NAALADL2: variants seen among roughly 807,000 people sequenced by gnomAD.
NAALADL2 encodes N-acetylated alpha-linked acidic dipeptidase like 2.
In NAALADL2, 76 loss-of-function variants were observed where a neutral mutation model predicts 87.2. That is an observed-to-expected ratio of 0.87 (90% CI 0.72 to 1.05). The LOEUF is 1.05. Among genes scored for constraint, NAALADL2 ranks in the 50% least tolerant of loss-of-function variants. NAALADL2 has a pLI of 0.00. For synonymous variants in NAALADL2, 354 were observed against 331.0 expected, an observed-to-expected ratio of 1.07 and a Z score of -0.75; for missense variants, 1,089 against 945.8, an observed-to-expected ratio of 1.15 and a Z score of -1.99.
intron 1 of NAALADL2, among the ~76,000 whole-genome samples, chr3:174,917,556 C>A (rs893333752): frequency 6.6e-6 from 1 of 152,110 alleles, no homozygotes; most frequent in South Asian, 2.1e-4. Context: ...TACTTGAATA[C>A]CTGTAGCACA....
At chr3:175,604,551 G>A (rs1378953253) in intron 10 of NAALADL2, among the ~76,000 whole-genome samples, 1 of 151,976 alleles carries the variant, frequency 6.6e-6, no homozygotes, top group Non-Finnish European at 1.5e-5. Flanking sequence ...TGATCCACCT[G>A]CCTCAGCCTC....
At chr3:175,645,913 G>A (rs576729371) in intron 11 of NAALADL2, among the ~76,000 whole-genome samples, 6 of 152,102 alleles carry the variant, frequency 3.9e-5, no homozygotes, top group Non-Finnish European at 8.8e-5. Context: ...GCAGTAAACA[G>A]CATCAGACAG....
At position 175,216,814 on chromosome 3, in the gene NAALADL2, G is replaced by GC. The variant is rs534251417; in HGVS notation, c.546-17111dup. ...CTCCTGAGTACCTGGGATTACGGGT[G>GC]CCCCCCACAATGCCCAGCTAATTTT... On this transcript the variant is annotated intron_variant, in intron 2 of 13. Coordinates refer to ENST00000454872, the MANE Select transcript of NAALADL2 (RefSeq NM_207015.3). Among the ~76,000 whole-genome samples, 53 of 151,724 alleles carry GC rather than the reference G, an allele frequency of 3.5e-4. No homozygotes were observed. In the South Asian group the frequency reaches 0.011, roughly 30 times the overall value.
intron 2 of NAALADL2, among the ~76,000 whole-genome samples, chr3:174,563,625 C>T (rs1462021132): frequency 9.9e-5 from 15 of 151,298 alleles, no homozygotes; most frequent in Non-Finnish European, 1.9e-4. Flanking sequence ...TTATTTGCTT[C>T]TAAGTATTTT....
intron 9 of NAALADL2, among the ~76,000 whole-genome samples, chr3:175,506,870 A>G (rs1023297094): frequency 3.3e-5 from 5 of 152,156 alleles, no homozygotes; most frequent in Non-Finnish European, 7.4e-5. Context: ...GATACCTTTT[A>G]GCCTCACTTG....
intron 1 of NAALADL2, among the ~76,000 whole-genome samples, chr3:175,018,684 C>T (rs374359127): frequency 2.0e-5 from 3 of 152,072 alleles, no homozygotes; most frequent in East Asian, 3.9e-4. Flanking sequence ...TGGCATTCAA[C>T]GTATTAAAAG....
chr3:174,443,713 G>C (rs778482789), intron 1 of NAALADL2, among the ~76,000 whole-genome samples: 1 of 152,140 alleles, frequency 6.6e-6, no homozygotes, highest in African/African-American at 2.4e-5. Flanking sequence ...GTACATAATG[G>C]TGTACGTCAG....
At chr3:175,247,104 A>G (rs1748132512) in intron 3 of NAALADL2, among the ~76,000 whole-genome samples, 1 of 152,174 alleles carries the variant, frequency 6.6e-6, no homozygotes, top group Admixed American at 6.6e-5. Context: ...ATAAACTGTT[A>G]AAGCTATTAA....
At chr3:175,324,030 A>AAAAAG in intron 4 of NAALADL2, 145 bp from the exon 5 acceptor site, 1 of 476,944 alleles carries the variant, frequency 2.1e-6, no homozygotes, top group Admixed American at 3.9e-5. Context: ...AAAACAAACA[A>AAAAAG]AAAAAAAAAA....
At chr3:175,408,044 TTA>T (rs957138985) in intron 5 of NAALADL2, among the ~76,000 whole-genome samples, 2 of 152,170 alleles carry the variant, frequency 1.3e-5, no homozygotes, top group African/African-American at 4.8e-5. Context: ...GACGAATACT[TTA>T]TGAGTTCATT....
intron 3 of NAALADL2, among the ~76,000 whole-genome samples, chr3:174,753,812 T>C (rs1711587421): frequency 6.6e-6 from 1 of 152,134 alleles, no homozygotes; most frequent in Non-Finnish European, 1.5e-5. Flanking sequence ...TGATTGCACT[T>C]GGAGATGAGA....
chr3:174,787,201 A>C, intron 3 of NAALADL2, among the ~76,000 whole-genome samples: 1 of 151,988 alleles, frequency 6.6e-6, no homozygotes, highest in East Asian at 1.9e-4. Context: ...AGACATGATA[A>C]AATTTTTATT....
chr3:175,795,457 A>G (rs1297250358), intron 13 of NAALADL2, among the ~76,000 whole-genome samples: 1 of 151,762 alleles, frequency 6.6e-6, no homozygotes, highest in Non-Finnish European at 1.5e-5. Flanking sequence ...GTGGATCACG[A>G]GGTCAGGATA....
At chr3:175,218,643 C>T (rs1387538550) in intron 2 of NAALADL2, among the ~76,000 whole-genome samples, 1 of 151,922 alleles carries the variant, frequency 6.6e-6, no homozygotes, top group Admixed American at 6.6e-5. Flanking sequence ...TTGTCTATTT[C>T]TTAATTTTAA....
intron 11 of NAALADL2, among the ~76,000 whole-genome samples, chr3:175,669,869 A>T (rs1582838976): frequency 6.6e-6 from 1 of 151,978 alleles, no homozygotes; most frequent in East Asian, 1.9e-4. Context: ...TTCATAAGTG[A>T]CTTTATGCTA....
At chr3:175,746,267 C>T (rs1450996773) in intron 12 of NAALADL2, among the ~76,000 whole-genome samples, 1 of 149,220 alleles carries the variant, frequency 6.7e-6, no homozygotes, top group Non-Finnish European at 1.5e-5. Context: ...GCAAGCATTC[C>T]GTGTCCTGTT....
intron 2 of NAALADL2, among the ~76,000 whole-genome samples, chr3:175,154,238 C>A: frequency 6.6e-6 from 1 of 152,034 alleles, no homozygotes; most frequent in Admixed American, 6.6e-5. Flanking sequence ...AAAAAAATTC[C>A]ATGAAAACCA....
At chr3:175,525,675 T>C (rs1733299038) in intron 9 of NAALADL2, among the ~76,000 whole-genome samples, 1 of 152,130 alleles carries the variant, frequency 6.6e-6, no homozygotes, top group African/African-American at 2.4e-5. Flanking sequence ...GTGCCTTCAT[T>C]TGTGCTAATG....
At chr3:175,170,838 A>C (rs1734697945) in intron 2 of NAALADL2, among the ~76,000 whole-genome samples, 1 of 151,856 alleles carries the variant, frequency 6.6e-6, no homozygotes, top group Non-Finnish European at 1.5e-5. Context: ...AATATAAGGA[A>C]ATAAAGGCTA....
Sources: gnomAD v4.1 joint callset for allele counts (sites outside exome capture counted in the v4.1 genomes callset) on GRCh38, gnomAD v4.1.1 for gene constraint, MANE v1.5 for transcripts, NCBI Gene and HGNC (gene_info 2026-07-23, HGNC 2026-07-21) for gene names.